Variants in BPTF observed in about 807,000 individuals in gnomAD.
The protein encoded by BPTF is nucleosome-remodeling factor subunit BPTF.
In BPTF, 18 loss-of-function variants were observed where a neutral mutation model predicts 292.5. The observed-to-expected ratio is 0.06, with a 90% CI of 0.04 to 0.09. The LOEUF is 0.09. Among genes scored for constraint, BPTF ranks in the 10% least tolerant of loss-of-function variants. The pLI, the probability that BPTF is intolerant of heterozygous loss-of-function variation, is 1.00. For synonymous variants in BPTF, 1,225 were observed against 1,251.9 expected (o/e 0.98, Z 0.45); for missense variants, 2,726 against 3,498.7 (o/e 0.78, Z 5.57).
chr17:67,911,344 A>G lies in BPTF; in HGVS notation c.3460A>G (p.Ser1154Gly), dbSNP rs1159337723. The change falls in exon 11 of 28, where the codon AGT (serine) becomes GGT (glycine). Residue 1154 changes from serine (S) to glycine (G), a missense_variant. Ser to Gly is a moderately conservative substitution (Grantham distance 56). This residue lies in a region of BPTF where 713 missense variants were observed against 714.9 expected (regional missense o/e 1.00). Transcript: ENST00000306378. ...CTCAGTTCTTAGAATGAGTGATCCT[A>G]GTCATACCACAAACAAACTTTATCC... ...DSSVLRMSDP[S>G]HTTNKLYPKD... 2 of 1,614,156 alleles carry G rather than the reference A, an allele frequency of 1.2e-6. No individual in the cohort carries two copies. Among genetic ancestry groups the G allele is most frequent in the East Asian group, 4.5e-5 (2 of 44,866 alleles).
chr17:67,933,785 G>T (rs934052800), intron 18 of BPTF, among the ~76,000 whole-genome samples: 1 of 152,224 alleles, frequency 6.6e-6, no homozygotes, highest in Non-Finnish European at 1.5e-5. Flanking sequence ...TAACCCAGGC[G>T]CAGTGGCTCA....
rs554519425 is a variant in BPTF, at chr17:67,928,239, A to G, written c.5752-116A>G. 3.5e-6 allele frequency: 4 copies of G among 1,141,250 alleles called. No homozygotes were observed. In the South Asian group the frequency reaches 5.0e-5, roughly 14 times the overall value. 70.7% of individuals were successfully genotyped at this position (1,141,250 alleles called of 1,614,324 possible). A position where few individuals can be genotyped will look rare whatever the true frequency, so the allele number is the denominator to read the frequency against. On this transcript the variant is annotated intron_variant, in intron 15 of 27. Coordinates refer to ENST00000306378, the MANE Select transcript of BPTF (RefSeq NM_182641.4). ...ATTCTTTTTGGAAGTAAAATACTTCAGAAATGTAGTGGAATTTCTTAAGGT... is the reference window on the plus strand; with the variant it reads ...ATTCTTTTTGGAAGTAAAATACTTCGGAAATGTAGTGGAATTTCTTAAGGT...
At chr17:67,925,291 A>G (rs1376763189) in intron 15 of BPTF, among the ~76,000 whole-genome samples, 5 of 152,278 alleles carry the variant, frequency 3.3e-5, no homozygotes, top group African/African-American at 1.2e-4. Context: ...AAAGCAAAGT[A>G]TGCTAAAACT....
At chr17:67,881,891 G>A (rs2060449904) in intron 4 of BPTF, among the ~76,000 whole-genome samples, 1 of 112,616 alleles carries the variant, frequency 8.9e-6, no homozygotes, top group Admixed American at 1.2e-4. Context: ...TTTTGAGACA[G>A]GGTCTTGCTC....
intron 3 of BPTF, among the ~76,000 whole-genome samples, chr17:67,867,311 A>G (rs1209388234): frequency 6.6e-6 from 1 of 152,232 alleles, no homozygotes; most frequent in Non-Finnish European, 1.5e-5. Flanking sequence ...AAGAAATAAT[A>G]TTCTTTTTGA....
intron 4 of BPTF, among the ~76,000 whole-genome samples, chr17:67,882,290 T>C (rs1425299739): frequency 1.3e-5 from 2 of 152,200 alleles, no homozygotes; most frequent in Non-Finnish European, 2.9e-5. Context: ...GGATACTTTT[T>C]GTTGTTGGGC....
intron 18 of BPTF, among the ~76,000 whole-genome samples, chr17:67,935,935 A>G (rs904556147): frequency 2.6e-5 from 4 of 152,226 alleles, no homozygotes; most frequent in Non-Finnish European, 4.4e-5. Flanking sequence ...ACGTAAATCT[A>G]TTTGAATAGC....
chr17:67,835,965 C>T (rs2057102293), intron 1 of BPTF, among the ~76,000 whole-genome samples: 1 of 151,948 alleles, frequency 6.6e-6, no homozygotes, highest in Non-Finnish European at 1.5e-5. Flanking sequence ...ATGCCTGGCC[C>T]AGTCCTGGTA....
At chr17:67,933,734 T>C (rs1369961222) in intron 18 of BPTF, among the ~76,000 whole-genome samples, 4 of 152,194 alleles carry the variant, frequency 2.6e-5, no homozygotes, top group Non-Finnish European at 5.9e-5. Context: ...TCAACTTTTG[T>C]GCCTTCTGAA....
intron 4 of BPTF, among the ~76,000 whole-genome samples, chr17:67,877,243 G>A (rs943339782): frequency 6.6e-6 from 1 of 152,164 alleles, no homozygotes; most frequent in Non-Finnish European, 1.5e-5. Context: ...GGCAGTAGAC[G>A]GACTTAATAG....
rs782755996 is a variant in BPTF, at chr17:67,946,041, C to T, written c.7333C>T (p.Leu2445Phe). ...VPQLQQQVQVLSQIQSQVVAQ... is the reference protein window; with the variant it reads ...VPQLQQQVQVFSQIQSQVVAQ... The stretch of plus-strand genomic sequence containing the variant: ...TCAGCTGCAACAACAAGTCCAGGTT[C>T]TCTCTCAGATCCAGTCACAGGTTGT... The change falls in exon 21 of 28, where the codon CTC becomes TTC. Residue 2445 changes from leucine to phenylalanine, a missense_variant. By Grantham distance (22) the Leu-to-Phe change is conservative. Coordinates refer to ENST00000306378, the MANE Select transcript of BPTF (RefSeq NM_182641.4). 6 of 1,614,098 alleles carry T rather than the reference C, an allele frequency of 3.7e-6. No homozygotes were observed. The Admixed American group carries it at 6.7e-5, about 18-fold the overall frequency.
chr17:67,914,842 T>A (rs1224326250), intron 11 of BPTF, among the ~76,000 whole-genome samples: 19 of 152,220 alleles, frequency 1.2e-4, no homozygotes, highest in Non-Finnish European at 5.9e-5. Flanking sequence ...TCACATTTTT[T>A]AATGGGAGGA....
At chr17:67,880,980 C>A (rs1057202086) in intron 4 of BPTF, among the ~76,000 whole-genome samples, 1 of 139,394 alleles carries the variant, frequency 7.2e-6, no homozygotes, top group Non-Finnish European at 1.6e-5. Flanking sequence ...CACACACACA[C>A]GTATATATAT....
At chr17:67,923,726 T>A (rs1053056146) in intron 14 of BPTF, among the ~76,000 whole-genome samples, 3 of 151,122 alleles carry the variant, frequency 2.0e-5, no homozygotes, top group African/African-American at 7.3e-5. Context: ...GTAATCCACC[T>A]GCCTCAGCCT....
rs2055948180 is a variant in BPTF, at chr17:67,825,883, C to A, written c.159C>A (p.Ala53=). The change falls in exon 1 of 28, where the codon GCC becomes GCA. Residue 53 remains alanine (A), a synonymous_variant. Transcript: ENST00000306378. The stretch of plus-strand genomic sequence containing the variant: ...GCAGCAGCCGGGGCAGGTGGGCCGC[C>A]GCCCAGGCTGAGGTGGCGCCCAAGA... ...HRGSSRGRWA[A]AQAEVAPKTR... 3 of 1,015,160 alleles carry A rather than the reference C, an allele frequency of 3.0e-6. No individual in the cohort carries two copies. The highest frequency in any genetic ancestry group is 3.5e-6 in the Non-Finnish European group (3 of 851,130). 62.9% of individuals were successfully genotyped at this position (1,015,160 alleles called of 1,614,324 possible).
chr17:67,921,186 G>C lies in BPTF; in HGVS notation c.5557+1043G>C, dbSNP rs1023104109. Among the ~76,000 whole-genome samples, 4 of 143,246 alleles carry C rather than the reference G, an allele frequency of 2.8e-5. 1 individual carries two copies. The highest frequency in any genetic ancestry group is 4.5e-4 in the South Asian group (2 of 4,472). The allele number at this position is 143,246 out of a possible 152,430, so 94.0% of individuals were successfully genotyped here. On this transcript the variant is annotated intron_variant, in intron 13 of 27. Coordinates refer to ENST00000306378, the MANE Select transcript of BPTF (RefSeq NM_182641.4). ...GATCACACCACTGCACTCCAGTCTG[G>C]GTAACAGATTGAGAATCCGTGTCAA...
intron 1 of BPTF, among the ~76,000 whole-genome samples, chr17:67,837,576 T>A (rs1374607444): frequency 6.6e-6 from 1 of 152,158 alleles, no homozygotes; most frequent in East Asian, 1.9e-4. Context: ...CCTGGCTAAT[T>A]TTTTTGTATT....
Position 67,948,415 on chromosome 17 carries a change from CTT to C in BPTF, c.7926+110_7926+111del, listed in dbSNP as rs2065971316. 6.7e-6 allele frequency: 7 copies of C among 1,043,858 alleles called. No homozygotes were observed. In the East Asian group the frequency reaches 1.8e-4, roughly 27 times the overall value. The allele number at this position is 1,043,858 out of a possible 1,614,324, so 64.7% of individuals were successfully genotyped here. On this transcript the variant is annotated intron_variant, in intron 23 of 27. Coordinates refer to ENST00000306378, the MANE Select transcript of BPTF (RefSeq NM_182641.4). ...TAAAATTTCAGTATGTTTTCTAGAA[CTT>C]ACATTTGTGTACATAGAGTAAAAAG...
chr17:67,971,153 A>G (rs950006687), intron 26 of BPTF, among the ~76,000 whole-genome samples: 1 of 152,146 alleles, frequency 6.6e-6, no homozygotes, highest in Non-Finnish European at 1.5e-5. Flanking sequence ...ATCTCGGCTC[A>G]CTGCAACCTC....
Sources: gnomAD v4.1 joint callset for allele counts (sites outside exome capture counted in the v4.1 genomes callset) on GRCh38, gnomAD v4.1.1 for gene constraint, gnomAD v4.1.1 regional missense constraint, MANE v1.5 for transcripts, NCBI Gene and HGNC (gene_info 2026-07-23, HGNC 2026-07-21) for gene names.